The following DBT variants were observed in gnomAD, a reference collection of about 807,000 sequenced individuals.
The protein encoded by DBT is dihydrolipoamide branched chain transacylase E2.
Under a neutral mutation model 51.3 loss-of-function variants are expected in DBT, and 40 were observed. The observed-to-expected ratio is 0.78, with a 90% CI of 0.61 to 1.02. The LOEUF (loss-of-function observed/expected upper bound fraction) is 1.02, where lower values mean the gene tolerates loss of function less well. Among genes scored for constraint, DBT ranks in the 50% least tolerant of loss-of-function variants. DBT has a pLI of 0.00. For synonymous variants in DBT, 181 were observed against 190.4 expected (o/e 0.95, Z 0.41); for missense variants, 510 against 580.2 (o/e 0.88, Z 1.24).
intron 4 of DBT, among the ~76,000 whole-genome samples, chr1:100,220,184 T>G (rs1385085197): frequency 6.6e-6 from 1 of 152,068 alleles, no homozygotes; most frequent in Non-Finnish European, 1.5e-5. Flanking sequence ...CTGTGGCTAA[T>G]GCTAATTTGG....
rs1042967659 is a variant in DBT, at chr1:100,191,478, T to C, written c.*4777A>G. The C allele has an allele frequency of 6.6e-5, 10 of 152,130 alleles. No individual in the cohort carries two copies. The highest frequency in any genetic ancestry group is 1.2e-4 in the Non-Finnish European group (8 of 68,012). The allele number at this position is 152,130 out of a possible 1,614,324, so 9.4% of individuals were successfully genotyped here. ...AGAACTCTCTTAGAAAAATTCATAA[T>C]TTAACACGAACTGAGGTGGGATGGG... On this transcript the variant is annotated 3_prime_UTR_variant, in exon 11 of 11. Coordinates refer to ENST00000370132, the MANE Select transcript of DBT (RefSeq NM_001918.5).
At chr1:100,213,257 T>TCC in intron 7 of DBT, 1 of 1,283,512 alleles carries the variant, frequency 7.8e-7, no homozygotes, top group South Asian at 1.9e-5. Context: ...GTGCGCCGCG[T>TCC]CCCCGCCGGG....
chr1:100,222,035 A>G (rs750620095), intron 4 of DBT, among the ~76,000 whole-genome samples: 1 of 152,228 alleles, frequency 6.6e-6, no homozygotes, highest in Non-Finnish European at 1.5e-5. Context: ...ATGTTCATAA[A>G]TTGAAAATTA....
chr1:100,203,532 C>G (rs946251373), intron 10 of DBT, among the ~76,000 whole-genome samples: 1 of 152,166 alleles, frequency 6.6e-6, no homozygotes, highest in African/African-American at 2.4e-5. Context: ...CAAAGAGGAG[C>G]TGGTACCATT....
At chr1:100,242,685 C>T (rs1468109757) in intron 1 of DBT, among the ~76,000 whole-genome samples, 1 of 152,194 alleles carries the variant, frequency 6.6e-6, no homozygotes, top group Non-Finnish European at 1.5e-5. Context: ...TCTCCTTCAG[C>T]TCCCATAATC....
intron 2 of DBT, among the ~76,000 whole-genome samples, chr1:100,240,545 T>A (rs1014826892): frequency 7.9e-5 from 12 of 151,828 alleles, no homozygotes; most frequent in African/African-American, 2.2e-4. Flanking sequence ...AAATTTTTTT[T>A]AAAAAGGGGT....
rs114378758 is a variant in DBT, at chr1:100,199,319, T to C, written c.1282-2897A>G. The stretch of plus-strand genomic sequence containing the variant: ...GCTTTTAACTAACACTCCCAGTGAT[T>C]CCTGAGCAAAGAATGCTCTAAATGA... On this transcript the variant is annotated intron_variant, in intron 10 of 10. Transcript: ENST00000370132. Among the ~76,000 whole-genome samples the C allele has an allele frequency of 1.7e-3, 254 of 152,324 alleles. 1 individual carries two copies. Among genetic ancestry groups the C allele is most frequent in the South Asian group, 0.015 (70 of 4,824 alleles).
chr1:100,229,464 C>A (rs1271144169), intron 4 of DBT, among the ~76,000 whole-genome samples: 2 of 152,150 alleles, frequency 1.3e-5, no homozygotes, highest in African/African-American at 4.8e-5. Flanking sequence ...CTGCGCCCAG[C>A]CTGTCCAACC....
chr1:100,238,422 T>C (rs115218900), intron 2 of DBT, among the ~76,000 whole-genome samples: 114,197 of 144,270 alleles, frequency 0.79, 46,313 homozygotes, highest in East Asian at 0.95. Context: ...TCTCTTCTTC[T>C]TTCTTTTATT....
chr1:100,205,332 T>A (rs1661696598), intron 10 of DBT, among the ~76,000 whole-genome samples: 1 of 152,110 alleles, frequency 6.6e-6, no homozygotes, highest in African/African-American at 2.4e-5. Context: ...GACATTTATA[T>A]GGCCAACAAA....
chr1:100,232,343 T>G (rs528369058), intron 3 of DBT, among the ~76,000 whole-genome samples: 2 of 151,962 alleles, frequency 1.3e-5, no homozygotes, highest in African/African-American at 2.4e-5. Flanking sequence ...TCTTGCTATG[T>G]TGCCCAGGCT....
At chr1:100,212,126 TA>T (rs1411771608) in intron 7 of DBT, among the ~76,000 whole-genome samples, 1 of 152,178 alleles carries the variant, frequency 6.6e-6, no homozygotes, top group African/African-American at 2.4e-5. Flanking sequence ...TAATAGTCTT[TA>T]TCTAAAAACC....
At chr1:100,216,326 C>G (rs1383792303) in intron 5 of DBT, 127 bp from the exon 6 acceptor site, 1 of 720,828 alleles carries the variant, frequency 1.4e-6, no homozygotes, top group East Asian at 2.7e-5. Context: ...AGGAAATAAC[C>G]TTTTCATTTT....
At chr1:100,220,436 T>C (rs181828228) in intron 4 of DBT, among the ~76,000 whole-genome samples, 51 of 152,286 alleles carry the variant, frequency 3.3e-4, no homozygotes, top group Admixed American at 1.8e-3. Flanking sequence ...TGACATTCAT[T>C]TCTAGGTAAA....
chr1:100,224,601 T>C (rs4143054), intron 4 of DBT, among the ~76,000 whole-genome samples: 120,913 of 152,122 alleles, frequency 0.79, 49,424 homozygotes, highest in East Asian at 0.95. Context: ...AAATTATCAG[T>C]TCTCTATGAA....
chr1:100,225,074 C>T lies in DBT; in HGVS notation c.433+5659G>A, dbSNP rs1369034290. On this transcript the variant is annotated intron_variant, in intron 4 of 10. Coordinates refer to ENST00000370132, the MANE Select transcript of DBT (RefSeq NM_001918.5). ...ATATACACACACACACACACACACA[C>T]ACACACACACACACACACACATATA... Among the ~76,000 whole-genome samples, 91 of 134,882 alleles carry T rather than the reference C, an allele frequency of 6.7e-4. 2 individuals carry two copies. The highest frequency in any genetic ancestry group is 1.5e-3 in the South Asian group (6 of 4,120). 88.5% of individuals were successfully genotyped at this position (134,882 alleles called of 152,430 possible). A position where few individuals can be genotyped will look rare whatever the true frequency, so the allele number is the denominator to read the frequency against.
chr1:100,195,928 G>T lies in DBT; in HGVS notation c.*327C>A. The T allele has an allele frequency of 6.1e-6, 2 of 330,418 alleles. No homozygotes were observed. Among genetic ancestry groups the T allele is most frequent in the South Asian group, 5.6e-5 (2 of 35,454 alleles). 20.5% of individuals were successfully genotyped at this position (330,418 alleles called of 1,614,324 possible). On this transcript the variant is annotated 3_prime_UTR_variant, in exon 11 of 11. Transcript: ENST00000370132. ...GATCCGCCCACCTGGGCCTCCCAAA[G>T]TGCTGGGATTACAGGCGTGAGCCAC...
rs2100797477 is a variant in DBT, at chr1:100,214,964, G to C, written c.792C>G (p.Val264=). The C allele has an allele frequency of 1.9e-6, 3 of 1,610,980 alleles. No individual in the cohort carries two copies. Among genetic ancestry groups the C allele is most frequent in the Non-Finnish European group, 2.5e-6 (3 of 1,177,626 alleles). Residue 264 remains valine (V), a synonymous_variant, in exon 7 of 11, where the codon GTC becomes GTG. Coordinates refer to ENST00000370132, the MANE Select transcript of DBT (RefSeq NM_001918.5). ...EPIKGFQKAM[V]KTMSAALKIP... is the part of the protein sequence containing the mutation. ...TCTTCAGGGCTGCAGACATAGTCTT[G>C]ACCATTGCTTTTTGAAAGCCTGAAA...
rs1401666389 is a variant in DBT, at chr1:100,192,305, T to C, written c.*3950A>G. On this transcript the variant is annotated 3_prime_UTR_variant, in exon 11 of 11. Transcript: ENST00000370132. Reference sequence around the variant, plus strand: ...TAATTATTGGCTAAAGCTTTTGCTGTGAGGGCAAAAACTTCATCTATCTAA... The same window carrying C: ...TAATTATTGGCTAAAGCTTTTGCTGCGAGGGCAAAAACTTCATCTATCTAA... 6.6e-6 allele frequency: 1 copy of C among 152,254 alleles called. No individual in the cohort carries two copies. The highest frequency in any genetic ancestry group is 6.5e-5 in the Admixed American group (1 of 15,290). 9.4% of individuals were successfully genotyped at this position (152,254 alleles called of 1,614,324 possible).
Sources: allele counts gnomAD v4.1 joint callset (sites outside exome capture counted in the v4.1 genomes callset), GRCh38; gene constraint gnomAD v4.1.1; transcripts MANE v1.5; gene names NCBI Gene and HGNC (gene_info 2026-07-23, HGNC 2026-07-21).